The following WWC1 variants were observed in gnomAD, a reference collection of about 807,000 sequenced individuals.
The protein encoded by WWC1 is WW and C2 domain containing 1.
WWC1 carries 55 observed loss-of-function variants against 138.4 expected under a neutral mutation model. The ratio of observed to expected loss-of-function variants is 0.40; its 90% CI spans 0.32 to 0.50. The LOEUF (loss-of-function observed/expected upper bound fraction) is 0.50. WWC1 is among the 20% of genes least tolerant of loss of function. The pLI is 0.72. For missense variants in WWC1, 1,226 were observed against 1,420.4 expected (o/e 0.86, Z 2.20); for synonymous variants, 524 against 564.9 (o/e 0.93, Z 1.03).
At chr5:168,415,247 C>T (rs1337672409) in intron 9 of WWC1, 1 of 152,200 alleles carries the variant, frequency 6.6e-6, no homozygotes, top group Non-Finnish European at 1.5e-5. Flanking sequence ...TCTGCTCCAG[C>T]AAATGGGAGT....
chr5:168,403,019 TTTCTTTC>T (rs1779445086), intron 5 of WWC1, among the ~76,000 whole-genome samples: 1 of 101,974 alleles, frequency 9.8e-6, no homozygotes, highest in Admixed American at 9.6e-5. Context: ...TCTTTCTTTC[TTTCTTTC>T]TTTCTTTCTT....
chr5:168,441,222 CA>C (rs1754724772), intron 15 of WWC1, among the ~76,000 whole-genome samples: 1 of 152,122 alleles, frequency 6.6e-6, no homozygotes, highest in Non-Finnish European at 1.5e-5. Flanking sequence ...TCATCAAATT[CA>C]TAGAAACAGA....
chr5:168,343,691 G>A (rs927501523), intron 1 of WWC1, among the ~76,000 whole-genome samples: 4 of 152,056 alleles, frequency 2.6e-5, no homozygotes, highest in Non-Finnish European at 4.4e-5. Context: ...GCGTGGTGGC[G>A]TGTGCCTGTA....
intron 1 of WWC1, among the ~76,000 whole-genome samples, chr5:168,307,209 A>G (rs956461943): frequency 2.0e-5 from 3 of 152,222 alleles, no homozygotes; most frequent in Admixed American, 1.3e-4. Flanking sequence ...AGAAAGTTGA[A>G]AACTTGCCCA....
intron 14 of WWC1, 32 bp downstream of exon 14, chr5:168,430,255 A>G: frequency 6.3e-7 from 1 of 1,587,808 alleles, no homozygotes; most frequent in Non-Finnish European, 8.6e-7. Context: ...TGTATTTCAT[A>G]CCCTAACCCT....
At chr5:168,377,267 A>G (rs1305709682) in intron 2 of WWC1, among the ~76,000 whole-genome samples, 1 of 152,244 alleles carries the variant, frequency 6.6e-6, no homozygotes, top group African/African-American at 2.4e-5. Context: ...TTTACCATAT[A>G]CAAAAGTTAA....
intron 3 of WWC1, among the ~76,000 whole-genome samples, chr5:168,390,029 A>C (rs115657142): frequency 0.012 from 1,883 of 152,334 alleles, 34 homozygotes; most frequent in African/African-American, 0.043. Context: ...TAGGAAATAC[A>C]TAATATTTTG....
At chr5:168,424,152 A>G in intron 11 of WWC1, 84 bp downstream of exon 11, 3 of 1,477,792 alleles carry the variant, frequency 2.0e-6, no homozygotes, top group Non-Finnish European at 2.7e-6. Flanking sequence ...TGATCATTCT[A>G]GTCGATATTT....
chr5:168,438,917 A>G (rs1431133709), intron 15 of WWC1, among the ~76,000 whole-genome samples: 1 of 152,128 alleles, frequency 6.6e-6, no homozygotes. Flanking sequence ...TACATAATTC[A>G]AAGAAAAATT....
In WWC1 at chr5:168,432,955, A is replaced by G. The variant is rs112896755; in HGVS notation, c.2280+1511A>G. 6.7e-3 allele frequency among the ~76,000 whole-genome samples: 1,017 copies of G among 152,298 alleles called. 11 individuals carry two copies. The highest frequency in any genetic ancestry group is 0.023 in the African/African-American group (971 of 41,562). On this transcript the variant is annotated intron_variant, in intron 15 of 22. Transcript: ENST00000265293. ...TGCTGTAAATCACAGACCTTTGCCC[A>G]GAGAAGGGAATCTCTTTGCTCTCCA...
intron 1 of WWC1, among the ~76,000 whole-genome samples, chr5:168,317,300 G>T (rs761256417): frequency 2.0e-5 from 3 of 152,212 alleles, no homozygotes; most frequent in Non-Finnish European, 2.9e-5. Flanking sequence ...ATTTCTCAGA[G>T]CGTTTGTCTG....
intron 9 of WWC1, among the ~76,000 whole-genome samples, chr5:168,417,750 G>A (rs1351073871): frequency 3.3e-5 from 5 of 152,204 alleles, no homozygotes; most frequent in African/African-American, 1.2e-4. Context: ...GGGCCTGGTA[G>A]GAGGGTGCTT....
In WWC1 at chr5:168,455,410, C is replaced by A. The variant is rs538022346; in HGVS notation, c.2713C>A (p.Pro905Thr). The change falls in exon 19 of 23, where the codon CCT (proline) becomes ACT (threonine). Residue 905 changes from proline to threonine, a missense_variant. Coordinates refer to ENST00000265293, the MANE Select transcript of WWC1 (RefSeq NM_015238.3). ...TPAPSPTVVR[P>T]KDRRVGTPSQ... ...GGCCCCATCCCCCACAGTGGTGCGACCTAAGGACCGGAGAGTGGGCACCCC... is the reference window on the plus strand; with the variant it reads ...GGCCCCATCCCCCACAGTGGTGCGAACTAAGGACCGGAGAGTGGGCACCCC... The A allele has an allele frequency of 2.5e-6, 4 of 1,610,928 alleles. No individual in the cohort carries two copies. In the South Asian group the frequency reaches 3.3e-5, roughly 13 times the overall value.
In WWC1 at chr5:168,441,954, A is replaced by T. The variant is rs981941682; in HGVS notation, c.2433+120A>T. 5.8e-6 allele frequency: 8 copies of T among 1,386,096 alleles called. No individual in the cohort carries two copies. In the East Asian group the frequency reaches 2.1e-4, roughly 36 times the overall value. The allele number at this position is 1,386,096 out of a possible 1,614,324, so 85.9% of individuals were successfully genotyped here. A position where few individuals can be genotyped will look rare whatever the true frequency, so the allele number is the denominator to read the frequency against. Reference sequence around the variant, plus strand: ...TGAGAGGAGAACAATGGGGTGGAGGAAGTAGGAGAAGAAGACAGGGAAGGA... The same window carrying T: ...TGAGAGGAGAACAATGGGGTGGAGGTAGTAGGAGAAGAAGACAGGGAAGGA... On this transcript the variant is annotated intron_variant, in intron 16 of 22. Coordinates refer to ENST00000265293, the MANE Select transcript of WWC1 (RefSeq NM_015238.3).
intron 1 of WWC1, among the ~76,000 whole-genome samples, chr5:168,370,559 G>C (rs1001460991): frequency 2.0e-5 from 3 of 152,170 alleles, no homozygotes; most frequent in African/African-American, 7.2e-5. Flanking sequence ...TTTAGGCAGA[G>C]GCAGTGATGG....
chr5:168,381,810 A>G (rs1777656878), intron 2 of WWC1, among the ~76,000 whole-genome samples: 1 of 148,478 alleles, frequency 6.7e-6, no homozygotes, highest in African/African-American at 2.5e-5. Context: ...GCAAAGACCC[A>G]GAATCACTGG....
intron 3 of WWC1, among the ~76,000 whole-genome samples, chr5:168,391,425 C>T (rs552320299): frequency 1.3e-5 from 2 of 152,240 alleles, no homozygotes; most frequent in South Asian, 2.1e-4. Context: ...CTTCGGGAGG[C>T]CGAGGCAGGC....
Position 168,292,960 on chromosome 5 carries a change from G to A in WWC1, c.119+689G>A, listed in dbSNP as rs917535879. On this transcript the variant is annotated intron_variant, in intron 1 of 22. Coordinates refer to ENST00000265293, the MANE Select transcript of WWC1 (RefSeq NM_015238.3). The surrounding 1 kb of genome is among the most constrained non-coding windows in gnomAD (Gnocchi z 4.4). ...TGGAAGCTGTTAGGATGGAGATGGA[G>A]GTGAGAGGCCTCCCGGAAAGCCTTG... 1.2e-4 allele frequency among the ~76,000 whole-genome samples: 19 copies of A among 152,302 alleles called. No individual in the cohort carries two copies. The highest frequency in any genetic ancestry group is 3.8e-4 in the African/African-American group (16 of 41,572).
At chr5:168,447,239 G>A (rs137855622) in intron 17 of WWC1, among the ~76,000 whole-genome samples, 2 of 152,276 alleles carry the variant, frequency 1.3e-5, no homozygotes, top group African/African-American at 4.8e-5. Context: ...TAACTCTTCC[G>A]TATTATTATT....
Sources: allele counts gnomAD v4.1 joint callset (sites outside exome capture counted in the v4.1 genomes callset), GRCh38; gene constraint gnomAD v4.1.1; non-coding constraint Gnocchi (gnomAD v3.1); transcripts MANE v1.5; gene names NCBI Gene and HGNC (gene_info 2026-07-23, HGNC 2026-07-21).